MAPK10: variants seen among roughly 807,000 people sequenced by gnomAD.
The protein encoded by MAPK10 is mitogen-activated protein kinase 10.
Under a neutral mutation model 59.3 loss-of-function variants are expected in MAPK10, and 25 were observed. The ratio of observed to expected loss-of-function variants is 0.42; its 90% confidence interval spans 0.31 to 0.59. MAPK10 has a LOEUF of 0.59. Among genes scored for constraint, MAPK10 ranks in the 20% least tolerant of loss-of-function variants. The pLI, the probability that MAPK10 is intolerant of heterozygous loss-of-function variation, is 0.15. For synonymous variants in MAPK10, 190 were observed against 200.5 expected, an observed-to-expected ratio of 0.95 and a Z score of 0.44; for missense variants, 351 against 568.9, an observed-to-expected ratio of 0.62 and a Z score of 3.90.
chr4:86,458,583 T>C (rs1751446508), intron 1 of MAPK10, among the ~76,000 whole-genome samples: 1 of 152,086 alleles, frequency 6.6e-6, no homozygotes, highest in African/African-American at 2.4e-5. Context: ...TAGACCAATG[T>C]AATAGAATAG....
chr4:86,129,891 G>A (rs1265188823), intron 4 of MAPK10, among the ~76,000 whole-genome samples: 1 of 152,146 alleles, frequency 6.6e-6, no homozygotes, highest in Non-Finnish European at 1.5e-5. Flanking sequence ...TTGGAGATAG[G>A]TCAGAATCTG....
intron 3 of MAPK10, among the ~76,000 whole-genome samples, chr4:86,183,583 A>G (rs2077430812): frequency 6.6e-6 from 1 of 152,110 alleles, no homozygotes; most frequent in African/African-American, 2.4e-5. Flanking sequence ...TATTGTGAAT[A>G]GTGCCGCAAT....
chr4:86,245,856 G>A (rs2093050787), intron 2 of MAPK10, among the ~76,000 whole-genome samples: 1 of 152,134 alleles, frequency 6.6e-6, no homozygotes, highest in Non-Finnish European at 1.5e-5. Flanking sequence ...AAAGGGTAAA[G>A]TAGATGATGT....
intron 1 of MAPK10, among the ~76,000 whole-genome samples, chr4:86,390,434 C>A (rs985865296): frequency 6.6e-6 from 1 of 152,152 alleles, no homozygotes; most frequent in Non-Finnish European, 1.5e-5. Context: ...AACTATAGTT[C>A]CATACCCTCC....
chr4:86,466,424 T>C (rs985598153), intron 1 of MAPK10, among the ~76,000 whole-genome samples: 4 of 152,178 alleles, frequency 2.6e-5, no homozygotes, highest in African/African-American at 9.7e-5. Context: ...TCTGGAAACA[T>C]AGCAGTATAG....
At chr4:86,064,670 T>C (rs2046376598) in intron 10 of MAPK10, 1 of 366,584 alleles carries the variant, frequency 2.7e-6, no homozygotes, top group African/African-American at 2.1e-5. Flanking sequence ...GGAGAGTTTA[T>C]GTAAGCAAAG....
At chr4:86,037,019 AT>A (rs1378476988) in intron 11 of MAPK10, among the ~76,000 whole-genome samples, 6 of 152,178 alleles carry the variant, frequency 3.9e-5, no homozygotes, top group African/African-American at 1.4e-4. Flanking sequence ...GCACGTCAGC[AT>A]TTCCTTCCAT....
At chr4:86,231,395 C>T (rs978367136) in intron 2 of MAPK10, among the ~76,000 whole-genome samples, 4 of 152,094 alleles carry the variant, frequency 2.6e-5, no homozygotes, top group Admixed American at 2.0e-4. Context: ...GTGGCTCATG[C>T]CTGTAATCCC....
chr4:86,215,545 A>T (rs2087241492), intron 2 of MAPK10, among the ~76,000 whole-genome samples: 1 of 152,182 alleles, frequency 6.6e-6, no homozygotes, highest in African/African-American at 2.4e-5. Context: ...CGTAGAAACT[A>T]ACACTAAATA....
intron 1 of MAPK10, among the ~76,000 whole-genome samples, chr4:86,420,197 C>T (rs1234383248): frequency 5.3e-5 from 8 of 152,208 alleles, no homozygotes; most frequent in Non-Finnish European, 1.2e-4. Context: ...ATTTGAGGAA[C>T]AAGTTGACTG....
chr4:86,280,642 C>T (rs1197744018), intron 2 of MAPK10, among the ~76,000 whole-genome samples: 6 of 152,104 alleles, frequency 3.9e-5, no homozygotes, highest in Non-Finnish European at 7.4e-5. Flanking sequence ...GACACATACA[C>T]TCATGTTTGT....
chr4:86,577,303 C>T (rs1324646125), intron 1 of MAPK10, among the ~76,000 whole-genome samples: 1 of 151,888 alleles, frequency 6.6e-6, no homozygotes, highest in Non-Finnish European at 1.5e-5. Flanking sequence ...AGAGAAAGAC[C>T]TTGTCTCAAA....
chr4:86,126,900 T>C (rs990828827), intron 4 of MAPK10, among the ~76,000 whole-genome samples: 6 of 152,028 alleles, frequency 3.9e-5, no homozygotes, highest in Non-Finnish European at 7.4e-5. Context: ...CAAGGCCTAT[T>C]TGTACCTCCA....
chr4:86,573,103 T>C (rs938848800), intron 1 of MAPK10, among the ~76,000 whole-genome samples: 4 of 152,182 alleles, frequency 2.6e-5, no homozygotes, highest in Admixed American at 2.0e-4. Flanking sequence ...TTTTCACTTT[T>C]GCAGGAATCT....
chr4:86,576,348 G>A (rs1004205165), intron 1 of MAPK10, among the ~76,000 whole-genome samples: 1 of 152,116 alleles, frequency 6.6e-6, no homozygotes, highest in African/African-American at 2.4e-5. Flanking sequence ...TCTGATTAAT[G>A]GTAGCTCTAC....
At chr4:86,540,756 A>C (rs1758624682) in intron 1 of MAPK10, among the ~76,000 whole-genome samples, 2 of 142,456 alleles carry the variant, frequency 1.4e-5, no homozygotes, top group Non-Finnish European at 3.2e-5. Context: ...GATGTAGGAA[A>C]AGTCCCTGAG....
chr4:86,036,275 C>T (rs867579637), intron 11 of MAPK10, among the ~76,000 whole-genome samples: 3 of 151,776 alleles, frequency 2.0e-5, no homozygotes, highest in Non-Finnish European at 4.4e-5. Context: ...CGGTGGAGGA[C>T]GTTAATATGA....
In MAPK10 at chr4:86,398,734, T is replaced by C. The variant is rs376299070; in HGVS notation, c.-121-44090A>G. On this transcript the variant is annotated intron_variant, in intron 1 of 13. Coordinates refer to the MAPK10 transcript ENST00000361569. ...GGTAGTGAGCACAGCACCCAATAGT[T>C]AGTTTTACAACCCTTGCGTCCCTCT... Among the ~76,000 whole-genome samples, 8 of 152,270 alleles carry C rather than the reference T, an allele frequency of 5.3e-5. 1 individual carries two copies. The highest frequency in any genetic ancestry group is 1.7e-4 in the African/African-American group (7 of 41,548).
At chr4:86,041,795 G>C (rs1392075657) in intron 11 of MAPK10, among the ~76,000 whole-genome samples, 1 of 152,168 alleles carries the variant, frequency 6.6e-6, no homozygotes, top group Non-Finnish European at 1.5e-5. Flanking sequence ...AGTTACAATG[G>C]TGATTATTAA....
Sources: gnomAD v4.1 joint callset for allele counts (sites outside exome capture counted in the v4.1 genomes callset) on GRCh38, gnomAD v4.1.1 for gene constraint, MANE v1.5 for transcripts, NCBI Gene and HGNC (gene_info 2026-07-23, HGNC 2026-07-21) for gene names.